TRDMT1: variants seen among roughly 807,000 people sequenced by gnomAD.
TRDMT1 encodes tRNA aspartic acid methyltransferase 1, also known as tRNA (cytosine(38)-C(5))-methyltransferase.
Under a neutral mutation model 51.2 loss-of-function variants are expected in TRDMT1, and 49 were observed. That is an observed-to-expected ratio of 0.96 (90% CI 0.76 to 1.21). The LOEUF is 1.21. Ranked by LOEUF, TRDMT1 falls within the 50% of genes most tolerant of loss-of-function variation. TRDMT1 has a pLI of 0.00. For synonymous variants in TRDMT1, 187 were observed against 164.6 expected (o/e 1.14, Z -1.04); for missense variants, 534 against 462.3 (o/e 1.16, Z -1.42).
In TRDMT1 at chr10:17,141,286, C is replaced by T. The variant is rs371010044; in HGVS notation, c.*7754G>A. Among the ~76,000 whole-genome samples, 3 of 152,266 alleles carry T rather than the reference C, an allele frequency of 2.0e-5. No homozygotes were observed. Among genetic ancestry groups the T allele is most frequent in the South Asian group, 4.1e-4 (2 of 4,822 alleles). The stretch of plus-strand genomic sequence containing the variant: ...AAGCCATTCCCCTGCCTCAGCCTCC[C>T]GAGTAGCTGGGACTACAGGCATGCA... On this transcript the variant is annotated 3_prime_UTR_variant, in exon 11 of 11. Transcript: ENST00000377799.
chr10:17,144,509 T>C lies in TRDMT1; in HGVS notation c.*4531A>G. 2.0e-6 allele frequency: 2 copies of C among 985,832 alleles called. No individual in the cohort carries two copies. The highest frequency in any genetic ancestry group is 9.4e-5 in the South Asian group (2 of 21,288). The allele number at this position is 985,832 out of a possible 1,614,324, so 61.1% of individuals were successfully genotyped here. A position where few individuals can be genotyped will look rare whatever the true frequency, so the allele number is the denominator to read the frequency against. ...GCTTTAGGAGTCAAGTGTGGTGTAC[T>C]TGAGGGAGACTTCAGTAAGTGCTGG... On this transcript the variant is annotated 3_prime_UTR_variant, in exon 11 of 11. Coordinates refer to ENST00000377799, the MANE Select transcript of TRDMT1 (RefSeq NM_004412.7).
chr10:17,188,796 T>C (rs896224673), intron 1 of TRDMT1, among the ~76,000 whole-genome samples: 3 of 152,328 alleles, frequency 2.0e-5, no homozygotes, highest in African/African-American at 7.2e-5. Flanking sequence ...GGAAATTTTA[T>C]GCCCACCACA....
intron 6 of TRDMT1, among the ~76,000 whole-genome samples, 194 bp downstream of exon 6, chr10:17,160,111 A>C (rs1448805450): frequency 6.6e-6 from 1 of 152,142 alleles, no homozygotes; most frequent in Non-Finnish European, 1.5e-5. Context: ...ATTGTTTTTC[A>C]TAAAATATGT....
chr10:17,191,454 G>T (rs1448021316), intron 1 of TRDMT1, among the ~76,000 whole-genome samples: 2 of 152,194 alleles, frequency 1.3e-5, no homozygotes, highest in Non-Finnish European at 2.9e-5. Context: ...GCTTTATCTG[G>T]AAGGAAAACT....
At chr10:17,167,935 TATCTACTTTTGACCAAATTAATTTGCTC>T (rs1368519802) in intron 3 of TRDMT1, among the ~76,000 whole-genome samples, 2 of 152,346 alleles carry the variant, frequency 1.3e-5, no homozygotes, top group Admixed American at 1.3e-4. Flanking sequence ...CAGTCTTGCA[TATCTACTTTTGACCAAATTAATTTGCTC>T]ATCTGGTAGC....
chr10:17,163,598 A>C (rs4317886), intron 3 of TRDMT1, among the ~76,000 whole-genome samples: 77,555 of 151,668 alleles, frequency 0.51, 19,983 homozygotes, highest in South Asian at 0.57. Flanking sequence ...TTTTTTGAAA[A>C]GATCAACAAA....
chr10:17,149,260 A>C, intron 10 of TRDMT1, 120 bp from the exon 11 acceptor site: 1 of 728,892 alleles, frequency 1.4e-6, no homozygotes, highest in East Asian at 2.8e-5. Context: ...TAAGGTCTCC[A>C]TGAAGTTTTA....
At chr10:17,160,102 T>C (rs1038103671) in intron 6 of TRDMT1, among the ~76,000 whole-genome samples, 2 of 152,268 alleles carry the variant, frequency 1.3e-5, no homozygotes, top group Admixed American at 1.3e-4. Flanking sequence ...AGCTATATAA[T>C]TGTTTTTCAT....
chr10:17,172,329 T>C (rs1433797546), intron 2 of TRDMT1, among the ~76,000 whole-genome samples: 1 of 152,008 alleles, frequency 6.6e-6, no homozygotes, highest in African/African-American at 2.4e-5. Flanking sequence ...AACAAACAGA[T>C]TTTTACAAAA....
In TRDMT1 at chr10:17,144,109, G is replaced by C. The variant is rs1414792575; in HGVS notation, c.*4931C>G. 2.0e-6 allele frequency: 2 copies of C among 985,100 alleles called. No homozygotes were observed. Among genetic ancestry groups the C allele is most frequent in the Non-Finnish European group, 2.4e-6 (2 of 829,816 alleles). The allele number at this position is 985,100 out of a possible 1,614,324, so 61.0% of individuals were successfully genotyped here. A position where few individuals can be genotyped will look rare whatever the true frequency, so the allele number is the denominator to read the frequency against. Reference sequence around the variant, plus strand: ...GCATGAAAAGTGAAGGGTAGAAAGAGACCTGAGGACGGAACCTTCAGATAA... The same window carrying C: ...GCATGAAAAGTGAAGGGTAGAAAGACACCTGAGGACGGAACCTTCAGATAA... On this transcript the variant is annotated 3_prime_UTR_variant, in exon 11 of 11. Transcript: ENST00000377799.
chr10:17,157,054 T>C (rs930973070), intron 8 of TRDMT1, among the ~76,000 whole-genome samples: 2 of 152,330 alleles, frequency 1.3e-5, no homozygotes, highest in Non-Finnish European at 1.5e-5. Context: ...ATTACATCTT[T>C]AGTTTAAAAT....
chr10:17,171,609 C>T (rs200502240), intron 2 of TRDMT1: 2 of 152,220 alleles, frequency 1.3e-5, no homozygotes, highest in East Asian at 3.8e-4. Context: ...TGCTGAGACC[C>T]TGACAACAAC....
In TRDMT1 at chr10:17,146,758, G is replaced by C. The variant is rs1020758643; in HGVS notation, c.*2282C>G. 1.0e-6 allele frequency: 1 copy of C among 985,410 alleles called. No individual in the cohort carries two copies. Among genetic ancestry groups the C allele is most frequent in the African/African-American group, 1.7e-5 (1 of 57,348 alleles). The allele number at this position is 985,410 out of a possible 1,614,324, so 61.0% of individuals were successfully genotyped here. On this transcript the variant is annotated 3_prime_UTR_variant, in exon 11 of 11. Transcript: ENST00000377799. ...CAAATATCAGGAAACAGAATTTCCA[G>C]TGCAAATTTTATATACAGCATTATT...
In TRDMT1 at chr10:17,144,048, A is replaced by G; in HGVS notation, c.*4992T>C. The G allele has an allele frequency of 1.0e-6, 1 of 985,460 alleles. No homozygotes were observed. Among genetic ancestry groups the G allele is most frequent in the Non-Finnish European group, 1.2e-6 (1 of 829,960 alleles). The allele number at this position is 985,460 out of a possible 1,614,324, so 61.0% of individuals were successfully genotyped here. A position where few individuals can be genotyped will look rare whatever the true frequency, so the allele number is the denominator to read the frequency against. The stretch of plus-strand genomic sequence containing the variant: ...TGGGTGTCATCGGCAAAATGGCTGA[A>G]GTTGTAGGAAAGGGTGAGAATCTCT... On this transcript the variant is annotated 3_prime_UTR_variant, in exon 11 of 11. Coordinates refer to ENST00000377799, the MANE Select transcript of TRDMT1 (RefSeq NM_004412.7).
Position 17,145,152 on chromosome 10 carries a change from C to A in TRDMT1, c.*3888G>T. The A allele has an allele frequency of 1.6e-6, 1 of 626,806 alleles. No homozygotes were observed. The allele number at this position is 626,806 out of a possible 1,614,324, so 38.8% of individuals were successfully genotyped here. On this transcript the variant is annotated 3_prime_UTR_variant, in exon 11 of 11. Transcript: ENST00000377799. ...ATCCCAGCTACTAGGGAGGCTGAGG[C>A]AGGAAAATCACTTTAACCCAGGAGG...
chr10:17,154,538 T>C, intron 9 of TRDMT1, 139 bp downstream of exon 9: 1 of 423,204 alleles, frequency 2.4e-6, no homozygotes, highest in Non-Finnish European at 4.0e-6. Context: ...AAATATTATA[T>C]ATATGAATAT....
chr10:17,164,724 A>G (rs1840925495), intron 3 of TRDMT1, among the ~76,000 whole-genome samples: 1 of 152,216 alleles, frequency 6.6e-6, no homozygotes, highest in Admixed American at 6.5e-5. Context: ...ATACACCAAT[A>G]AAAGACAAAC....
chr10:17,156,952 G>C (rs969970973), intron 8 of TRDMT1, among the ~76,000 whole-genome samples: 1 of 152,078 alleles, frequency 6.6e-6, no homozygotes, highest in Admixed American at 6.6e-5. Context: ...GTTATCTTTT[G>C]AATTGGAAAC....
intron 1 of TRDMT1, among the ~76,000 whole-genome samples, chr10:17,177,094 G>A (rs1588616612): frequency 6.6e-6 from 1 of 150,928 alleles, no homozygotes; most frequent in Admixed American, 6.6e-5. Flanking sequence ...TGATATTTCA[G>A]TTATTATTCA....
Sources: allele counts gnomAD v4.1 joint callset (sites outside exome capture counted in the v4.1 genomes callset), GRCh38; gene constraint gnomAD v4.1.1; transcripts MANE v1.5; gene names NCBI Gene and HGNC (gene_info 2026-07-23, HGNC 2026-07-21).